The following SPMAP1 variants were observed in gnomAD, a reference collection of about 807,000 sequenced individuals.
SPMAP1 encodes sperm microtubule associated protein 1, also known as uncharacterized protein C17orf98.
the SPMAP1 span, chr17:38,841,318 G>C: frequency 1.2e-6 from 2 of 1,614,160 alleles, no homozygotes; most frequent in Non-Finnish European, 8.5e-7. Context: ...CGCGGGCAGC[G>C]GTGCTCACAG....
the SPMAP1 span, chr17:38,836,991 A>T: frequency 3.1e-6 from 2 of 649,998 alleles, no homozygotes. Context: ...ACTGGTGCTT[A>T]TTAACTAATA....
chr17:38,839,610 A>AC, the SPMAP1 span, among the ~76,000 whole-genome samples: 2 of 151,958 alleles, frequency 1.3e-5, no homozygotes, highest in Non-Finnish European at 1.5e-5. Flanking sequence ...ACACAGTGAA[A>AC]CCCCGTCTCT....
the SPMAP1 span, among the ~76,000 whole-genome samples, chr17:38,840,888 C>T: frequency 0.02 from 2,961 of 151,482 alleles, 98 homozygotes; most frequent in African/African-American, 0.067. Flanking sequence ...CGCCTGTAAC[C>T]CCAGCTACTC....
At chr17:38,836,839 AC>A in the SPMAP1 span, among the ~76,000 whole-genome samples, 8 of 147,224 alleles carry the variant, frequency 5.4e-5, no homozygotes, top group East Asian at 1.6e-3. Context: ...CAAGTGATCC[AC>A]CCGCCTCAGC....
the SPMAP1 span, chr17:38,837,284 C>T: frequency 7.4e-7 from 1 of 1,348,720 alleles, no homozygotes; most frequent in South Asian, 1.2e-5. Context: ...CTGTCAGCCA[C>T]AATGCTGAGG....
chr17:38,839,790 A>T, the SPMAP1 span, among the ~76,000 whole-genome samples: 1 of 151,750 alleles, frequency 6.6e-6, no homozygotes, highest in Non-Finnish European at 1.5e-5. Context: ...ACAGAGCGAG[A>T]CTCCGTCTCA....
At chr17:38,841,017 G>A in the SPMAP1 span, among the ~76,000 whole-genome samples, 1 of 152,012 alleles carries the variant, frequency 6.6e-6, no homozygotes, top group Non-Finnish European at 1.5e-5. Flanking sequence ...GCTCCAGCCT[G>A]GGCGACAGAG....
chr17:38,838,555 G>A, the SPMAP1 span, among the ~76,000 whole-genome samples: 36 of 151,824 alleles, frequency 2.4e-4, no homozygotes, highest in African/African-American at 8.5e-4. Context: ...AGCTGAGATC[G>A]TGCCACTGCA....
At chr17:38,839,984 C>T in the SPMAP1 span, among the ~76,000 whole-genome samples, 5 of 152,204 alleles carry the variant, frequency 3.3e-5, no homozygotes, top group South Asian at 6.2e-4. Flanking sequence ...ACCGCTTATA[C>T]GTAGAAACAC....
At chr17:38,835,251 T>C in the SPMAP1 span, 1 of 1,613,936 alleles carries the variant, frequency 6.2e-7, no homozygotes, top group African/African-American at 1.3e-5. Flanking sequence ...AGGGCTGGAG[T>C]GTTCCTGCGG....
At chr17:38,840,617 C>CAAAAAAAAAAAAAAA in the SPMAP1 span, among the ~76,000 whole-genome samples, 2 of 48,698 alleles carry the variant, frequency 4.1e-5, no homozygotes, top group Admixed American at 3.7e-4. Flanking sequence ...CCCCTCTCTA[C>CAAAAAAAAAAAAAAA]AAAAAAAAAA....
At chr17:38,840,641 A>G in the SPMAP1 span, among the ~76,000 whole-genome samples, 4 of 149,404 alleles carry the variant, frequency 2.7e-5, no homozygotes, top group African/African-American at 9.8e-5. Flanking sequence ...AAAAAAAAAA[A>G]AAAAAAAAAA....
chr17:38,836,577 CTTTCTTTCTTTTTTT>C, the SPMAP1 span, among the ~76,000 whole-genome samples: 4 of 89,196 alleles, frequency 4.5e-5, no homozygotes, highest in East Asian at 3.2e-4. Context: ...TTCTTTCTTT[CTTTCTTTCTTTTTTT>C]TTTTTTTTTT....
At chr17:38,835,208 G>T in the SPMAP1 span, 2 of 1,614,088 alleles carry the variant, frequency 1.2e-6, no homozygotes, top group Non-Finnish European at 1.7e-6. Flanking sequence ...AGGGAAGTGG[G>T]TGACCTCTCC....
the SPMAP1 span, chr17:38,841,180 T>C: frequency 3.1e-6 from 5 of 1,613,146 alleles, no homozygotes; most frequent in Admixed American, 1.7e-5. Context: ...GAAGCTCCTA[T>C]ACCTGATCAG....
chr17:38,841,407 C>CGG, the SPMAP1 span: 1 of 1,612,380 alleles, frequency 6.2e-7, no homozygotes, highest in Non-Finnish European at 8.5e-7. Flanking sequence ...ACCGTAGCCT[C>CGG]GGAGGGCCTT....
At chr17:38,840,617 C>CAAAAAAAAAA in the SPMAP1 span, among the ~76,000 whole-genome samples, 15 of 48,726 alleles carry the variant, frequency 3.1e-4, no homozygotes, top group African/African-American at 1.2e-3. Flanking sequence ...CCCCTCTCTA[C>CAAAAAAAAAA]AAAAAAAAAA....
chr17:38,835,126 A>G, the SPMAP1 span: 1 of 1,538,700 alleles, frequency 6.5e-7, no homozygotes, highest in African/African-American at 1.4e-5. Flanking sequence ...AATAACACTA[A>G]GAGTTCATCT....
the SPMAP1 span, among the ~76,000 whole-genome samples, chr17:38,839,008 C>T: frequency 5.7e-5 from 8 of 139,412 alleles, no homozygotes; most frequent in African/African-American, 2.2e-4. Flanking sequence ...ATTGCTTGAA[C>T]TTGTGAGGCA....
Sources: gnomAD v4.1 joint callset for allele counts (sites outside exome capture counted in the v4.1 genomes callset) on GRCh38, gnomAD v4.1.1 for gene constraint, MANE v1.5 for transcripts, NCBI Gene and HGNC (gene_info 2026-07-23, HGNC 2026-07-21) for gene names.